Variants in SPRY3 observed in about 807,000 individuals in gnomAD.
SPRY3 encodes the protein sprouty RTK signaling antagonist 3.
In SPRY3, 15 loss-of-function variants were observed where a neutral mutation model predicts 20.2. That is an observed-to-expected ratio of 0.74 (90% CI 0.50 to 1.14). The LOEUF (loss-of-function observed/expected upper bound fraction) is 1.14. Ranked by LOEUF, SPRY3 falls within the 50% of genes most tolerant of loss-of-function variation. SPRY3 has a pLI of 0.00. For missense variants in SPRY3, 364 were observed against 363.9 expected, an observed-to-expected ratio of 1.00 and a Z score of 0.00; for synonymous variants, 143 against 136.5, an observed-to-expected ratio of 1.05 and a Z score of -0.33.
intron 2 of SPRY3, among the ~76,000 whole-genome samples, chrX:155,710,147 C>A (rs2090976343): frequency 1.3e-5 from 2 of 151,540 alleles, no homozygotes; most frequent in Non-Finnish European, 3.0e-5. Context: ...TACTTTGGGT[C>A]TTTTGTGGTT....
chrX:155,631,436 T>C (rs1183229201), intron 1 of SPRY3, among the ~76,000 whole-genome samples: 1 of 112,225 alleles, frequency 8.9e-6, no homozygotes, highest in Non-Finnish European at 1.9e-5. Context: ...TGGTTTATGA[T>C]TTATTTTCCT....
In SPRY3 at chrX:155,767,825, T is replaced by C. The variant is rs184654577; in HGVS notation, c.-281-137T>C. The stretch of plus-strand genomic sequence containing the variant: ...TGCTGAGCTTTCTTTGGGAAATACG[T>C]CCATCAAGATTTAGATCTGCCTGTA... On this transcript the variant is annotated intron_variant, in intron 2 of 3. Transcript: ENST00000675360. 2.9e-3 allele frequency: 436 copies of C among 152,162 alleles called. 5 individuals carry two copies. The highest frequency in any genetic ancestry group is 0.02 in the South Asian group (95 of 4,808). The allele number at this position is 152,162 out of a possible 1,614,324, so 9.4% of individuals were successfully genotyped here. A position where few individuals can be genotyped will look rare whatever the true frequency, so the allele number is the denominator to read the frequency against.
downstream of SPRY3, chrX:155,779,631 G>C (rs948197793): frequency 6.0e-6 from 1 of 166,936 alleles, no homozygotes; most frequent in African/African-American, 2.4e-5. Context: ...TGTTCTTTTA[G>C]GTTCCATGAG....
chrX:155,775,945 A>G (rs974971654), exon 4 of SPRY3: 1 of 167,102 alleles, frequency 6.0e-6, no homozygotes, highest in Non-Finnish European at 1.5e-5. Flanking sequence ...TACAGATGGG[A>G]AAACTGAGGC....
At position 155,768,634 on chromosome X, in the gene SPRY3, G is replaced by A. The variant is rs191255384; in HGVS notation, c.-107+498G>A. Among the ~76,000 whole-genome samples the A allele has an allele frequency of 6.6e-5, 10 of 152,200 alleles. No homozygotes were observed. In the East Asian group the frequency reaches 9.7e-4, roughly 15 times the overall value. The stretch of plus-strand genomic sequence containing the variant: ...TCACCTTGCCCTGGGTAGACATGGC[G>A]CAAGCTGACACGGCAGAACCCCCCA... On this transcript the variant is annotated intron_variant, in intron 3 of 3. Coordinates refer to ENST00000675360, the Ensembl canonical transcript of SPRY3.
chrX:155,767,594 G>T (rs1206258060), intron 2 of SPRY3, among the ~76,000 whole-genome samples: 2 of 150,008 alleles, frequency 1.3e-5, no homozygotes, highest in Admixed American at 6.6e-5. Context: ...AGGGGAGGAG[G>T]GAAAGGGGAG....
At chrX:155,669,404 T>TATA in intron 2 of SPRY3, among the ~76,000 whole-genome samples, 1 of 111,333 alleles carries the variant, frequency 9.0e-6, no homozygotes, top group Non-Finnish European at 1.9e-5. Context: ...TAACTTGTAG[T>TATA]GTTTATTTCT....
chrX:155,736,967 A>G (rs1162646667), intron 2 of SPRY3, among the ~76,000 whole-genome samples: 2 of 152,056 alleles, frequency 1.3e-5, no homozygotes, highest in Admixed American at 1.3e-4. Context: ...GACCATGTCT[A>G]GTCTACTGGT....
chrX:155,660,083 G>A (rs2068005196), intron 2 of SPRY3, among the ~76,000 whole-genome samples: 1 of 111,350 alleles, frequency 9.0e-6, no homozygotes, highest in Non-Finnish European at 1.9e-5. Flanking sequence ...GATTTGGTTT[G>A]TTGTTTTTCT....
chrX:155,696,186 C>A (rs188182246), intron 2 of SPRY3, among the ~76,000 whole-genome samples: 4 of 108,102 alleles, frequency 3.7e-5, no homozygotes, highest in Admixed American at 3.1e-4. Flanking sequence ...CTTCACAATT[C>A]TCAAGTGTTT....
chrX:155,748,162 T>C (rs2091238277), intron 2 of SPRY3, among the ~76,000 whole-genome samples: 1 of 151,842 alleles, frequency 6.6e-6, no homozygotes. Flanking sequence ...CTATTCCTGC[T>C]GCTGGTAAGT....
intron 1 of SPRY3, among the ~76,000 whole-genome samples, chrX:155,627,228 GC>G (rs2067891130): frequency 9.0e-6 from 1 of 110,875 alleles, no homozygotes; most frequent in Non-Finnish European, 1.9e-5. Flanking sequence ...CTCTCCACCT[GC>G]CCCCTGTAAC....
At chrX:155,652,269 T>A (rs782081366) in intron 1 of SPRY3, among the ~76,000 whole-genome samples, 6 of 112,101 alleles carry the variant, frequency 5.4e-5, no homozygotes, top group African/African-American at 9.7e-5. Flanking sequence ...TTAGTTATTT[T>A]AAAATGTACA....
intron 2 of SPRY3, chrX:155,767,726 AGGAGGAGG>A (rs1569400005): frequency 1.7e-5 from 1 of 57,930 alleles, no homozygotes; most frequent in Non-Finnish European, 3.9e-5. Context: ...GAGAAAGAGG[AGGAGGAGG>A]AGAGAGAGGA....
chrX:155,711,839 T>C (rs2090989110), intron 2 of SPRY3, among the ~76,000 whole-genome samples: 1 of 151,436 alleles, frequency 6.6e-6, no homozygotes, highest in Non-Finnish European at 1.5e-5. Flanking sequence ...TAGGGACTTA[T>C]AGCTATAAAT....
chrX:155,766,874 C>T (rs61115275), intron 2 of SPRY3, among the ~76,000 whole-genome samples: 2 of 152,084 alleles, frequency 1.3e-5, no homozygotes, highest in African/African-American at 2.4e-5. Flanking sequence ...AATGGTTTCC[C>T]AGTGGCAATG....
chrX:155,777,600 G>A (rs1378584069), downstream of SPRY3: 4 of 19,226 alleles, frequency 2.1e-4, no homozygotes, highest in East Asian at 4.3e-3. Context: ...GCGCATGGAC[G>A]TGTGAGTGAG....
At chrX:155,706,767 G>A (rs1013772839) in intron 2 of SPRY3, among the ~76,000 whole-genome samples, 6 of 150,736 alleles carry the variant, frequency 4.0e-5, no homozygotes, top group South Asian at 2.1e-4. Flanking sequence ...CCTGGGAGGC[G>A]CGAACTACAA....
intron 2 of SPRY3, among the ~76,000 whole-genome samples, chrX:155,709,905 T>G (rs2090974647): frequency 6.6e-6 from 1 of 151,840 alleles, no homozygotes; most frequent in African/African-American, 2.4e-5. Context: ...CCTCAGCATT[T>G]ATTGAAGAGA....
Sources: gnomAD v4.1 joint callset for allele counts (sites outside exome capture counted in the v4.1 genomes callset) on GRCh38, gnomAD v4.1.1 for gene constraint, MANE v1.5 for transcripts, NCBI Gene and HGNC (gene_info 2026-07-23, HGNC 2026-07-21) for gene names.